The following RNF144B variants were observed in gnomAD, a reference collection of about 807,000 sequenced individuals.
RNF144B encodes E3 ubiquitin-protein ligase RNF144B.
A neutral mutation model predicts 40.2 loss-of-function variants in RNF144B; 25 were observed. That is an observed-to-expected ratio of 0.62 (90% CI 0.45 to 0.87). RNF144B has a LOEUF of 0.87. RNF144B is among the 40% of genes least tolerant of loss of function. The probability of loss-of-function intolerance (pLI) is 0.00; values close to 1 mark genes in which losing one functional copy is unlikely to be tolerated. For missense variants in RNF144B, 365 were observed against 373.7 expected (o/e 0.98, Z 0.19); for synonymous variants, 145 against 136.3 (o/e 1.06, Z -0.44).
Position 18,425,725 on chromosome 6 carries a change from A to G in RNF144B, c.166-1856A>G, listed in dbSNP as rs148290391. ...AGATACCTTTTATTCCTGAATTTATACTAAATCATGAGCATTTGTGCATGT... is the reference window on the plus strand; with the variant it reads ...AGATACCTTTTATTCCTGAATTTATGCTAAATCATGAGCATTTGTGCATGT... On this transcript the variant is annotated intron_variant, in intron 2 of 7. Coordinates refer to ENST00000259939, the MANE Select transcript of RNF144B (RefSeq NM_182757.4). This position sits in a 1 kb window ranked among gnomAD's most constrained non-coding sequence, Gnocchi z 4.2. 3.3e-3 allele frequency among the ~76,000 whole-genome samples: 497 copies of G among 152,292 alleles called. 9 individuals carry two copies. Among genetic ancestry groups the G allele is most frequent in the Admixed American group, 0.03 (465 of 15,288 alleles).
chr6:18,416,728 T>G lies in RNF144B; in HGVS notation c.166-10853T>G, dbSNP rs2113484388. 6.6e-6 allele frequency among the ~76,000 whole-genome samples: 1 copy of G among 152,310 alleles called. No individual in the cohort carries two copies. Among genetic ancestry groups the G allele is most frequent in the Middle Eastern group, 3.4e-3 (1 of 294 alleles). Reference sequence around the variant, plus strand: ...CCCTTAAGCTTCCTTTGCTGTTTCTTTTGGAACTAGCTGAATGCTTGTATT... The same window carrying G: ...CCCTTAAGCTTCCTTTGCTGTTTCTGTTGGAACTAGCTGAATGCTTGTATT... On this transcript the variant is annotated intron_variant, in intron 2 of 7. Transcript: ENST00000259939. This position sits in a 1 kb window ranked among gnomAD's most constrained non-coding sequence, Gnocchi z 5.5.
Position 18,414,781 on chromosome 6 carries a change from G to A in RNF144B, c.166-12800G>A, listed in dbSNP as rs1003890028. 6.6e-6 allele frequency among the ~76,000 whole-genome samples: 1 copy of A among 151,946 alleles called. No homozygotes were observed. Among genetic ancestry groups the A allele is most frequent in the Non-Finnish European group, 1.5e-5 (1 of 67,972 alleles). ...CTTTTGCTTTTAGTTTTAAAATATTGTACAACATCCTGTTTCTATTCTTGA... is the reference window on the plus strand; with the variant it reads ...CTTTTGCTTTTAGTTTTAAAATATTATACAACATCCTGTTTCTATTCTTGA... On this transcript the variant is annotated intron_variant, in intron 2 of 7. Transcript: ENST00000259939. This position sits in a 1 kb window ranked among gnomAD's most constrained non-coding sequence, Gnocchi z 4.9.
chr6:18,437,270 C>T (rs139088062), intron 3 of RNF144B, among the ~76,000 whole-genome samples: 1 of 152,100 alleles, frequency 6.6e-6, no homozygotes, highest in East Asian at 1.9e-4. Flanking sequence ...GAGACCCCAT[C>T]TTTACAGAAA....
At chr6:18,391,937 G>A (rs1037056644) in intron 1 of RNF144B, among the ~76,000 whole-genome samples, 8 of 147,860 alleles carry the variant, frequency 5.4e-5, no homozygotes, top group Non-Finnish European at 1.0e-4. Flanking sequence ...GGTGACTTAC[G>A]CCTGTAATCC....
rs1795070313 is a variant in RNF144B, at chr6:18,412,619, T to A, written c.165+12920T>A. Reference sequence around the variant, plus strand: ...AGTAGGTAAAGGAGGTTTAAAAAATTTAGGCAAGTTGAAAAAGGGTGGTGA... The same window carrying A: ...AGTAGGTAAAGGAGGTTTAAAAAATATAGGCAAGTTGAAAAAGGGTGGTGA... On this transcript the variant is annotated intron_variant, in intron 2 of 7. Transcript: ENST00000259939. The surrounding 1 kb of genome is among the most constrained non-coding windows in gnomAD (Gnocchi z 4.2). Among the ~76,000 whole-genome samples the A allele has an allele frequency of 6.6e-6, 1 of 152,144 alleles. No homozygotes were observed. Among genetic ancestry groups the A allele is most frequent in the African/African-American group, 2.4e-5 (1 of 41,430 alleles).
chr6:18,394,109 T>C (rs189519117), intron 1 of RNF144B, among the ~76,000 whole-genome samples: 9 of 152,336 alleles, frequency 5.9e-5, no homozygotes, highest in Admixed American at 5.9e-4. Flanking sequence ...AGTTGTGCTT[T>C]AGCAGTTTCT....
chr6:18,443,961 G>T lies in RNF144B; in HGVS notation c.331+4217G>T, dbSNP rs759797064. Among the ~76,000 whole-genome samples, 6 of 152,172 alleles carry T rather than the reference G, an allele frequency of 3.9e-5. No individual in the cohort carries two copies. Among genetic ancestry groups the T allele is most frequent in the Non-Finnish European group, 7.3e-5 (5 of 68,034 alleles). On this transcript the variant is annotated intron_variant, in intron 4 of 7. Transcript: ENST00000259939. The surrounding 1 kb of genome is among the most constrained non-coding windows in gnomAD (Gnocchi z 4.7). ...AGACAGAATTGTAGAGATTGCTGCTGCTCTGGAAAAACGTAGAATCAGAGT... is the reference window on the plus strand; with the variant it reads ...AGACAGAATTGTAGAGATTGCTGCTTCTCTGGAAAAACGTAGAATCAGAGT...
rs764150265 is a variant in RNF144B, at chr6:18,434,901, G to A, written c.271-4783G>A. Reference sequence around the variant, plus strand: ...CTCCCAAAGTGCTAGGATTACAGGCGTAAGCCACCTTGCCTGGCCAGAATT... The same window carrying A: ...CTCCCAAAGTGCTAGGATTACAGGCATAAGCCACCTTGCCTGGCCAGAATT... On this transcript the variant is annotated intron_variant, in intron 3 of 7. Coordinates refer to ENST00000259939, the MANE Select transcript of RNF144B (RefSeq NM_182757.4). The surrounding 1 kb of genome is among the most constrained non-coding windows in gnomAD (Gnocchi z 4.1). Among the ~76,000 whole-genome samples the A allele has an allele frequency of 2.0e-5, 3 of 152,158 alleles. No individual in the cohort carries two copies. The highest frequency in any genetic ancestry group is 2.9e-5 in the Non-Finnish European group (2 of 68,024).
chr6:18,391,728 C>T (rs780237869), intron 1 of RNF144B, among the ~76,000 whole-genome samples: 7 of 149,590 alleles, frequency 4.7e-5, no homozygotes, highest in Admixed American at 2.0e-4. Context: ...ATTAGCCAAG[C>T]GTGGTGGTGG....
chr6:18,401,602 A>G (rs1414450008), intron 2 of RNF144B, among the ~76,000 whole-genome samples: 1 of 152,192 alleles, frequency 6.6e-6, no homozygotes, highest in East Asian at 1.9e-4. Context: ...TACTCCTCTA[A>G]CTTTCTTTTG....
Position 18,398,987 on chromosome 6 carries a change from A to G in RNF144B, c.-36-512A>G, listed in dbSNP as rs978019636. 6.6e-6 allele frequency among the ~76,000 whole-genome samples: 1 copy of G among 152,244 alleles called. No homozygotes were observed. The highest frequency in any genetic ancestry group is 2.4e-5 in the African/African-American group (1 of 41,466). On this transcript the variant is annotated intron_variant, in intron 1 of 7. Transcript: ENST00000259939. This position sits in a 1 kb window ranked among gnomAD's most constrained non-coding sequence, Gnocchi z 5.0. ...TTCATTAAGGTATAATTGACAAATT[A>G]CATTTGCAGTATACAATGTGATGTT...
chr6:18,396,730 G>A, intron 1 of RNF144B: 1 of 985,398 alleles, frequency 1.0e-6, no homozygotes, highest in African/African-American at 1.7e-5. Flanking sequence ...ACAACAGATG[G>A]GAAGTTGGTG....
intron 2 of RNF144B, among the ~76,000 whole-genome samples, chr6:18,421,414 T>G (rs1386642180): frequency 6.6e-6 from 1 of 152,186 alleles, no homozygotes; most frequent in Admixed American, 6.5e-5. Context: ...CCAGTTAGGC[T>G]CTGAGTTTGA....
chr6:18,437,946 C>G (rs1343876099), intron 3 of RNF144B, among the ~76,000 whole-genome samples: 2 of 152,134 alleles, frequency 1.3e-5, no homozygotes, highest in East Asian at 3.8e-4. Context: ...AGGAGGTCAT[C>G]AGTCCACAAA....
Position 18,400,450 on chromosome 6 carries a change from C to CT in RNF144B, c.165+755dup, listed in dbSNP as rs1224770976. ...TATAAATTGTACTTTGTCATAGCTCCTTTTATGCTGTTTTCACAGTATGCT... is the reference window on the plus strand; with the variant it reads ...TATAAATTGTACTTTGTCATAGCTCCTTTTTATGCTGTTTTCACAGTATGCT... On this transcript the variant is annotated intron_variant, in intron 2 of 7. Coordinates refer to ENST00000259939, the MANE Select transcript of RNF144B (RefSeq NM_182757.4). The surrounding 1 kb of genome is among the most constrained non-coding windows in gnomAD (Gnocchi z 5.6). Among the ~76,000 whole-genome samples, 1 of 152,056 alleles carries CT rather than the reference C, an allele frequency of 6.6e-6. No individual in the cohort carries two copies. Among genetic ancestry groups the CT allele is most frequent in the Non-Finnish European group, 1.5e-5 (1 of 68,004 alleles).
At chr6:18,445,463 A>G (rs1759061486) in intron 4 of RNF144B, among the ~76,000 whole-genome samples, 1 of 152,220 alleles carries the variant, frequency 6.6e-6, no homozygotes, top group Non-Finnish European at 1.5e-5. Flanking sequence ...AGTTTTAAAT[A>G]GCATTTCTTG....
rs1758858034 is a variant in RNF144B at position 18,437,932 on chromosome 6, TA to T, written c.271-1748del. Reference sequence around the variant, plus strand: ...TTTTAGGGGTTGACTTTGAAGGATTTAAAAGGAGGTCATCAGTCCACAAACT... The same window carrying T: ...TTTTAGGGGTTGACTTTGAAGGATTTAAAGGAGGTCATCAGTCCACAAACT... On this transcript the variant is annotated intron_variant, in intron 3 of 7. Transcript: ENST00000259939. Among the ~76,000 whole-genome samples the T allele has an allele frequency of 2.0e-5, 3 of 152,280 alleles. No homozygotes were observed. The East Asian group carries it at 5.8e-4, about 29-fold the overall frequency.
In RNF144B at chr6:18,439,754, C is replaced by T. The variant is rs201280587; in HGVS notation, c.331+10C>T. ...TTAAAATTTGAAAGAGGTATGAACT[C>T]TTCTTTTTTTCCTGATGATGAATGT... On this transcript the variant is annotated intron_variant, in intron 4 of 7. Transcript: ENST00000259939. 2,654 of 1,583,662 alleles carry T rather than the reference C, an allele frequency of 1.7e-3. 6 individuals carry two copies. Among genetic ancestry groups the T allele is most frequent in the Non-Finnish European group, 2.2e-3 (2,502 of 1,152,930 alleles).
In RNF144B at chr6:18,418,286, A is replaced by G. The variant is rs763097486; in HGVS notation, c.166-9295A>G. Among the ~76,000 whole-genome samples, 7 of 152,246 alleles carry G rather than the reference A, an allele frequency of 4.6e-5. No individual in the cohort carries two copies. The highest frequency in any genetic ancestry group is 8.8e-5 in the Non-Finnish European group (6 of 68,046). On this transcript the variant is annotated intron_variant, in intron 2 of 7. Coordinates refer to ENST00000259939, the MANE Select transcript of RNF144B (RefSeq NM_182757.4). This position sits in a 1 kb window ranked among gnomAD's most constrained non-coding sequence, Gnocchi z 5.2. ...CACATGAAAACTTGCTCATAGCAGCATAATTCATAATACCACTCAACTGGA... is the reference window on the plus strand; with the variant it reads ...CACATGAAAACTTGCTCATAGCAGCGTAATTCATAATACCACTCAACTGGA...
Sources: gnomAD v4.1 joint callset for allele counts (sites outside exome capture counted in the v4.1 genomes callset) on GRCh38, gnomAD v4.1.1 for gene constraint, Gnocchi (gnomAD v3.1) non-coding constraint, MANE v1.5 for transcripts, NCBI Gene and HGNC (gene_info 2026-07-23, HGNC 2026-07-21) for gene names.